The following APMAP variants were observed in gnomAD, a reference collection of about 807,000 sequenced individuals.
The protein encoded by APMAP is adipocyte plasma membrane associated protein, also known as adipocyte plasma membrane-associated protein.
A neutral mutation model predicts 43.6 loss-of-function variants in APMAP; 33 were observed. The ratio of observed to expected loss-of-function variants is 0.76; its 90% confidence interval spans 0.57 to 1.01. The LOEUF (loss-of-function observed/expected upper bound fraction) is 1.01, where lower values mean the gene tolerates loss of function less well. APMAP is among the 50% of genes least tolerant of loss of function. APMAP has a pLI of 0.00. For missense variants in APMAP, 498 were observed against 540.7 expected (o/e 0.92, Z 0.78); for synonymous variants, 224 against 216.7 (o/e 1.03, Z -0.30).
At chr20:24,970,407 A>C (rs1022806258) in intron 5 of APMAP, 36 bp from the exon 6 acceptor site, 2 of 1,571,102 alleles carry the variant, frequency 1.3e-6, no homozygotes, top group Non-Finnish European at 1.7e-6. Flanking sequence ...ATTGACTTGA[A>C]CTAGGAACTT....
intron 8 of APMAP, chr20:24,964,327 G>A (rs1029684546): frequency 2.5e-5 from 14 of 561,658 alleles, no homozygotes; most frequent in Non-Finnish European, 4.2e-5. Context: ...TATCACATCC[G>A]ACGTGGTCAC....
At chr20:24,988,534 C>T (rs185110105) in intron 1 of APMAP, among the ~76,000 whole-genome samples, 31 of 152,348 alleles carry the variant, frequency 2.0e-4, no homozygotes, top group Non-Finnish European at 4.1e-4. Flanking sequence ...ACCAGTAACA[C>T]TCTCCTAAAG....
intron 3 of APMAP, among the ~76,000 whole-genome samples, 155 bp from the exon 4 acceptor site, chr20:24,973,892 T>C (rs954004835): frequency 6.6e-6 from 1 of 152,196 alleles, no homozygotes; most frequent in Non-Finnish European, 1.5e-5. Context: ...TCTGGGAATA[T>C]GAAAAATCCT....
At chr20:24,976,424 C>T (rs775337787) in intron 3 of APMAP, among the ~76,000 whole-genome samples, 16 of 152,068 alleles carry the variant, frequency 1.1e-4, no homozygotes, top group Non-Finnish European at 2.2e-4. Flanking sequence ...ATACAGATGG[C>T]AGGTAGGCAT....
At chr20:24,984,371 C>T (rs1054141553) in intron 1 of APMAP, among the ~76,000 whole-genome samples, 2 of 152,166 alleles carry the variant, frequency 1.3e-5, no homozygotes. Context: ...ATAAATGATA[C>T]ACACTCATCC....
At chr20:24,970,950 C>A (rs1340484729) in intron 5 of APMAP, among the ~76,000 whole-genome samples, 1 of 152,088 alleles carries the variant, frequency 6.6e-6, no homozygotes, top group Non-Finnish European at 1.5e-5. Flanking sequence ...TATGTTCGGG[C>A]CCCCACGCAC....
chr20:24,990,267 T>C (rs1372442490), intron 1 of APMAP, among the ~76,000 whole-genome samples: 1 of 152,262 alleles, frequency 6.6e-6, no homozygotes, highest in Non-Finnish European at 1.5e-5. Flanking sequence ...AGCTTTGGCA[T>C]AAAGTCTTAT....
At chr20:24,981,536 C>T (rs536725406) in intron 2 of APMAP, among the ~76,000 whole-genome samples, 3 of 152,314 alleles carry the variant, frequency 2.0e-5, no homozygotes, top group African/African-American at 7.2e-5. Flanking sequence ...CAGCGGGTCT[C>T]CTGTTGGCCC....
intron 8 of APMAP, among the ~76,000 whole-genome samples, chr20:24,966,667 G>C (rs138502346): frequency 6.6e-6 from 1 of 152,292 alleles, no homozygotes; most frequent in African/African-American, 2.4e-5. Context: ...AAAAAGACAG[G>C]AGCTGAATAT....
chr20:24,983,802 T>G (rs2088124496), intron 2 of APMAP, 101 bp downstream of exon 2: 1 of 798,334 alleles, frequency 1.3e-6, no homozygotes, highest in Admixed American at 2.7e-5. Context: ...TAACTTACCT[T>G]TCAGATCAGA....
chr20:24,992,599 G>A lies in APMAP; in HGVS notation c.90C>T (p.Asp30=). The stretch of plus-strand genomic sequence containing the variant: ...AGTCTGGGAGTCCGCCCTACCTGCC[G>A]TCCTTAGCCTCCGGGGCCTGGCCAT... ...DDDGQAPEAK[D]GSSFSGRVFR... Residue 30 remains aspartate (D), a synonymous_variant, in exon 1 of 9, where the codon GAC becomes GAT. Coordinates refer to ENST00000217456, the MANE Select transcript of APMAP (RefSeq NM_020531.3). 1.3e-6 allele frequency: 2 copies of A among 1,552,412 alleles called. No homozygotes were observed. Among genetic ancestry groups the A allele is most frequent in the East Asian group, 2.5e-5 (1 of 40,380 alleles).
chr20:24,985,400 G>A (rs371945700), intron 1 of APMAP, among the ~76,000 whole-genome samples: 2 of 152,206 alleles, frequency 1.3e-5, no homozygotes, highest in African/African-American at 4.8e-5. Context: ...CCTCTGCAGA[G>A]TGGCTGGGTT....
chr20:24,981,220 A>G (rs1030832468), intron 2 of APMAP, among the ~76,000 whole-genome samples: 1 of 152,240 alleles, frequency 6.6e-6, no homozygotes, highest in African/African-American at 2.4e-5. Flanking sequence ...GAGGGCTGTC[A>G]TAGACACAGC....
rs1346104787 is a variant in APMAP at position 24,971,406 on chromosome 20, A to G, written c.538+54T>C. The G allele has an allele frequency of 5.4e-6, 8 of 1,470,106 alleles. No individual in the cohort carries two copies. The East Asian group carries it at 1.8e-4, about 33-fold the overall frequency. 91.1% of individuals were successfully genotyped at this position (1,470,106 alleles called of 1,614,324 possible). On this transcript the variant is annotated intron_variant, in intron 5 of 8. Coordinates refer to ENST00000217456, the MANE Select transcript of APMAP (RefSeq NM_020531.3). The stretch of plus-strand genomic sequence containing the variant: ...TCCTATTAAGTCTACACATACATAT[A>G]TTGTTTAAAAGATCTAAAATCTTCA...
rs544911718 is a variant in APMAP, at chr20:24,989,558, T to C, written c.95+3036A>G. ...CCTGTGATTGTTGTGGAAAACCTGA[T>C]AGCCCCAAATCCATGGGGTACCAGC... On this transcript the variant is annotated intron_variant, in intron 1 of 8. Transcript: ENST00000217456. Among the ~76,000 whole-genome samples the C allele has an allele frequency of 7.2e-5, 11 of 152,314 alleles. No individual in the cohort carries two copies. The South Asian group carries it at 8.3e-4, about 11-fold the overall frequency.
rs761400760 is a variant in APMAP, at chr20:24,990,981, G to C, written c.95+1613C>G. Among the ~76,000 whole-genome samples, 5 of 152,316 alleles carry C rather than the reference G, an allele frequency of 3.3e-5. No individual in the cohort carries two copies. The East Asian group carries it at 9.6e-4, about 29-fold the overall frequency. ...TAAATGTAAAAGGCACACTGGAAAA[G>C]ATCAGGCAGTAAAAGATGACTTTAG... On this transcript the variant is annotated intron_variant, in intron 1 of 8. Coordinates refer to ENST00000217456, the MANE Select transcript of APMAP (RefSeq NM_020531.3).
chr20:24,983,173 T>C (rs2122521684), intron 2 of APMAP, among the ~76,000 whole-genome samples: 1 of 152,396 alleles, frequency 6.6e-6, no homozygotes, highest in South Asian at 2.1e-4. Context: ...CACTACATTA[T>C]TCAGCTAGTA....
At chr20:24,967,067 G>A (rs1233205301) in intron 8 of APMAP, among the ~76,000 whole-genome samples, 1 of 152,208 alleles carries the variant, frequency 6.6e-6, no homozygotes, top group Non-Finnish European at 1.5e-5. Flanking sequence ...GCTGAGACGG[G>A]TGGATTACTT....
chr20:24,980,960 G>C (rs1343189272), intron 2 of APMAP, among the ~76,000 whole-genome samples: 3 of 152,244 alleles, frequency 2.0e-5, no homozygotes, highest in Non-Finnish European at 4.4e-5. Flanking sequence ...TGATGGACGG[G>C]TGTTTGGGAG....
Sources: allele counts gnomAD v4.1 joint callset (sites outside exome capture counted in the v4.1 genomes callset), GRCh38; gene constraint gnomAD v4.1.1; transcripts MANE v1.5; gene names NCBI Gene and HGNC (gene_info 2026-07-23, HGNC 2026-07-21).